The following VTI1A variants were observed in gnomAD, a reference collection of about 807,000 sequenced individuals.
The protein encoded by VTI1A is vesicle transport through interaction with t-SNAREs homolog 1A.
VTI1A carries 22 observed loss-of-function variants against 34.9 expected under a neutral mutation model. The observed-to-expected ratio is 0.63, with a 90% confidence interval of 0.45 to 0.90. VTI1A has a LOEUF of 0.90. VTI1A is among the 40% of genes least tolerant of loss of function. The probability of loss-of-function intolerance (pLI) is 0.00; values close to 1 mark genes in which losing one functional copy is unlikely to be tolerated. For synonymous variants in VTI1A, 87 were observed against 97.3 expected, an observed-to-expected ratio of 0.89 and a Z score of 0.62; for missense variants, 268 against 275.6, an observed-to-expected ratio of 0.97 and a Z score of 0.20.
rs1453120518 is a variant in VTI1A at position 112,470,418 on chromosome 10, T to TA, written c.264+5762dup. ...AGTAGGGCCACATAACTGAAGCTTT[T>TA]ATACTGTAGTGCAGAAAAGCATAGA... On this transcript the variant is annotated intron_variant, in intron 3 of 7. Transcript: ENST00000393077. Among the ~76,000 whole-genome samples the TA allele has an allele frequency of 4.6e-5, 7 of 152,316 alleles. No homozygotes were observed. The East Asian group carries it at 1.4e-3, about 29-fold the overall frequency.
At chr10:112,726,446 C>T (rs149456620) in intron 7 of VTI1A, among the ~76,000 whole-genome samples, 1 of 152,212 alleles carries the variant, frequency 6.6e-6, no homozygotes, top group Non-Finnish European at 1.5e-5. Context: ...TAACCCAGAA[C>T]AACCATGCTT....
rs79374375 is a variant in VTI1A at position 112,805,612 on chromosome 10, C to T, written c.561-9678C>T. Among the ~76,000 whole-genome samples, 12 of 152,250 alleles carry T rather than the reference C, an allele frequency of 7.9e-5. No homozygotes were observed. The East Asian group carries it at 9.6e-4, about 12-fold the overall frequency. ...AAATGCAATTAGTTAAGATGAGGTA[C>T]GGGAATAGGGTGGGCTCCTAAACCA... On this transcript the variant is annotated intron_variant, in intron 7 of 7. Transcript: ENST00000393077.
At chr10:112,840,410 C>T in the VTI1A span, among the ~76,000 whole-genome samples, 8 of 152,342 alleles carry the variant, frequency 5.3e-5, no homozygotes, top group Non-Finnish European at 8.8e-5. Flanking sequence ...CACTCCTCTG[C>T]CTGTCTCTGA....
intron 5 of VTI1A, among the ~76,000 whole-genome samples, chr10:112,594,162 C>A (rs926241297): frequency 6.6e-6 from 1 of 152,170 alleles, no homozygotes; most frequent in African/African-American, 2.4e-5. Flanking sequence ...CCGCCTCGGC[C>A]TCCCAAAGTG....
chr10:112,679,409 TATTA>T (rs909257138), intron 7 of VTI1A, among the ~76,000 whole-genome samples: 5 of 152,214 alleles, frequency 3.3e-5, no homozygotes, highest in East Asian at 1.9e-4. Flanking sequence ...ACCTTGCTAG[TATTA>T]ATTGAGGTTT....
At chr10:112,505,537 G>A (rs1420930842) in intron 3 of VTI1A, among the ~76,000 whole-genome samples, 1 of 152,068 alleles carries the variant, frequency 6.6e-6, no homozygotes, top group Non-Finnish European at 1.5e-5. Flanking sequence ...AGTAGTGTTA[G>A]TGGTCACTTT....
At position 112,593,734 on chromosome 10, in the gene VTI1A, T is replaced by A. The variant is rs991661704; in HGVS notation, c.427+55404T>A. Among the ~76,000 whole-genome samples the A allele has an allele frequency of 2.4e-4, 36 of 152,082 alleles. No homozygotes were observed. The Middle Eastern group carries it at 0.01, about 43-fold the overall frequency. On this transcript the variant is annotated intron_variant, in intron 5 of 7. Coordinates refer to ENST00000393077, the MANE Select transcript of VTI1A (RefSeq NM_145206.4). Reference sequence around the variant, plus strand: ...CAGGATATGTGGTCTCCATCTTTTTTTTATTTTTTTTATTTTTTTTGAGAC... The same window carrying A: ...CAGGATATGTGGTCTCCATCTTTTTATTATTTTTTTTATTTTTTTTGAGAC...
At chr10:112,652,487 G>A (rs1038037703) in intron 5 of VTI1A, among the ~76,000 whole-genome samples, 1 of 152,132 alleles carries the variant, frequency 6.6e-6, no homozygotes, top group Non-Finnish European at 1.5e-5. Context: ...TTGGGAGGCC[G>A]AGGCAGAAAG....
At chr10:112,618,881 G>T (rs1033855115) in intron 5 of VTI1A, among the ~76,000 whole-genome samples, 11 of 152,106 alleles carry the variant, frequency 7.2e-5, no homozygotes, top group Non-Finnish European at 1.2e-4. Flanking sequence ...AGGAGGTGAG[G>T]TTGGAAGGAT....
the VTI1A span, among the ~76,000 whole-genome samples, chr10:112,854,929 G>T: frequency 2.0e-5 from 3 of 152,294 alleles, no homozygotes; most frequent in South Asian, 6.2e-4. Context: ...CCTCAGTGAG[G>T]GAGGGGAAGG....
chr10:112,761,959 T>C (rs1268554001), intron 7 of VTI1A, among the ~76,000 whole-genome samples: 1 of 152,306 alleles, frequency 6.6e-6, no homozygotes. Context: ...GTGAACTGAT[T>C]TACAGCAGTC....
chr10:112,604,941 C>G (rs1564845244), intron 5 of VTI1A, among the ~76,000 whole-genome samples: 1 of 152,124 alleles, frequency 6.6e-6, no homozygotes, highest in African/African-American at 2.4e-5. Context: ...TTCTGTACAT[C>G]TATCTCTGGA....
chr10:112,795,907 C>T (rs1038408409), intron 7 of VTI1A, among the ~76,000 whole-genome samples: 2 of 152,030 alleles, frequency 1.3e-5, no homozygotes, highest in Non-Finnish European at 2.9e-5. Flanking sequence ...ACCCACCACC[C>T]GAGTATAAAC....
chr10:112,457,073 A>G (rs1347550370), intron 1 of VTI1A, among the ~76,000 whole-genome samples: 2 of 152,216 alleles, frequency 1.3e-5, no homozygotes, highest in Non-Finnish European at 1.5e-5. Context: ...AGAAGAAAAA[A>G]ACAAGATTTG....
intron 5 of VTI1A, among the ~76,000 whole-genome samples, chr10:112,627,542 A>ATTC (rs1845969035): frequency 6.6e-6 from 1 of 152,206 alleles, no homozygotes; most frequent in Non-Finnish European, 1.5e-5. Context: ...ACTCAAATAT[A>ATTC]ACCACTATTC....
intron 4 of VTI1A, 104 bp downstream of exon 4, chr10:112,527,268 A>G (rs977347517): frequency 5.5e-6 from 5 of 911,194 alleles, no homozygotes; most frequent in Non-Finnish European, 8.7e-6. Flanking sequence ...GCAGCAACTC[A>G]TGTGGAAGCG....
intron 5 of VTI1A, among the ~76,000 whole-genome samples, chr10:112,636,947 A>G (rs1846379498): frequency 6.6e-6 from 1 of 152,144 alleles, no homozygotes; most frequent in African/African-American, 2.4e-5. Context: ...ATCAGAGGAA[A>G]CATTTCACAT....
At chr10:112,830,850 T>TATATATATATATATATATATA in the VTI1A span, among the ~76,000 whole-genome samples, 81 of 29,726 alleles carry the variant, frequency 2.7e-3, 1 homozygote, top group Non-Finnish European at 3.2e-3. Flanking sequence ...TATATATATA[T>TATATATATATATATATATATA]TTTTTTTTTT....
At chr10:112,800,770 T>C (rs1421454010) in intron 7 of VTI1A, among the ~76,000 whole-genome samples, 2 of 152,214 alleles carry the variant, frequency 1.3e-5, no homozygotes, top group Admixed American at 6.5e-5. Context: ...TAATTTCCAA[T>C]GAGAGACTAC....
Sources: allele counts gnomAD v4.1 joint callset (sites outside exome capture counted in the v4.1 genomes callset), GRCh38; gene constraint gnomAD v4.1.1; transcripts MANE v1.5; gene names NCBI Gene and HGNC (gene_info 2026-07-23, HGNC 2026-07-21).